The following PXDC1 variants were observed in gnomAD, a reference collection of about 807,000 sequenced individuals.
PXDC1 encodes PX domain containing 1, also known as PX domain-containing protein 1.
Under a neutral mutation model 24.4 loss-of-function variants are expected in PXDC1, and 13 were observed. That is an observed-to-expected ratio of 0.53 (90% CI 0.35 to 0.85). The LOEUF is 0.85. PXDC1 is among the 40% of genes least tolerant of loss of function. The probability of loss-of-function intolerance (pLI) is 0.01; values close to 1 mark genes in which losing one functional copy is unlikely to be tolerated. For synonymous variants in PXDC1, 162 were observed against 124.9 expected (o/e 1.30, Z -1.98); for missense variants, 344 against 309.3 (o/e 1.11, Z -0.84).
intron 1 of PXDC1, among the ~76,000 whole-genome samples, chr6:3,747,104 G>A (rs1310357041): frequency 4.6e-5 from 7 of 152,012 alleles, no homozygotes; most frequent in Middle Eastern, 3.2e-3. Flanking sequence ...CTAAAATGCC[G>A]CCTCCCAAGC....
At chr6:3,726,972 G>A (rs1021775306) in intron 4 of PXDC1, among the ~76,000 whole-genome samples, 1 of 152,226 alleles carries the variant, frequency 6.6e-6, no homozygotes, top group African/African-American at 2.4e-5. Flanking sequence ...GGAAACAGAG[G>A]CCAAGCTGTC....
In PXDC1 at chr6:3,737,916, G is replaced by A; in HGVS notation, c.348+141C>T. ...CACCTCCACTCCGTCCCTATCGCCT[G>A]GTACTACCAGGGAGGGAACAAAACG... On this transcript the variant is annotated intron_variant, in intron 2 of 4. Coordinates refer to ENST00000380283, the MANE Select transcript of PXDC1 (RefSeq NM_183373.4). This position sits in a 1 kb window ranked among gnomAD's most constrained non-coding sequence, Gnocchi z 5.5. 1.3e-6 allele frequency: 1 copy of A among 753,742 alleles called. No individual in the cohort carries two copies. Among genetic ancestry groups the A allele is most frequent in the Non-Finnish European group, 2.2e-6 (1 of 454,166 alleles). 46.7% of individuals were successfully genotyped at this position (753,742 alleles called of 1,614,324 possible). A position where few individuals can be genotyped will look rare whatever the true frequency, so the allele number is the denominator to read the frequency against.
intron 3 of PXDC1, among the ~76,000 whole-genome samples, chr6:3,730,788 C>A (rs1760178127): frequency 1.3e-5 from 2 of 152,238 alleles, no homozygotes; most frequent in Admixed American, 1.3e-4. Context: ...TGATAACTTG[C>A]CATGTGCCTT....
rs2094894654 is a variant in PXDC1 at position 3,725,592 on chromosome 6, A to G, written c.579-1856T>C. On this transcript the variant is annotated intron_variant, in intron 4 of 4. Coordinates refer to ENST00000380283, the MANE Select transcript of PXDC1 (RefSeq NM_183373.4). This position sits in a 1 kb window ranked among gnomAD's most constrained non-coding sequence, Gnocchi z 4.8. ...CTGTGGGCCCGGCGGCACTGGGCTCACAGGCTCGGGCCAGACAATCAGCCT... is the reference window on the plus strand; with the variant it reads ...CTGTGGGCCCGGCGGCACTGGGCTCGCAGGCTCGGGCCAGACAATCAGCCT... Among the ~76,000 whole-genome samples the G allele has an allele frequency of 6.6e-6, 1 of 152,200 alleles. No homozygotes were observed. The highest frequency in any genetic ancestry group is 1.5e-5 in the Non-Finnish European group (1 of 68,024).
intron 3 of PXDC1, among the ~76,000 whole-genome samples, chr6:3,734,318 CCT>C (rs1760268248): frequency 6.6e-6 from 1 of 152,144 alleles, no homozygotes; most frequent in Admixed American, 6.5e-5. Context: ...CTAATCTATC[CCT>C]CTCACTCGGG....
intron 1 of PXDC1, among the ~76,000 whole-genome samples, chr6:3,741,301 G>C (rs369654077): frequency 2.6e-5 from 4 of 152,360 alleles, no homozygotes; most frequent in African/African-American, 7.2e-5. Context: ...AAGCCAAACT[G>C]TGTTCCTTGG....
chr6:3,749,693 C>G (rs1760655404), intron 1 of PXDC1, among the ~76,000 whole-genome samples: 2 of 152,052 alleles, frequency 1.3e-5, no homozygotes, highest in Admixed American at 1.3e-4. Flanking sequence ...GGAGAACCTG[C>G]TCTTGTTAGA....
At chr6:3,745,316 C>T (rs976363975) in intron 1 of PXDC1, among the ~76,000 whole-genome samples, 4 of 152,250 alleles carry the variant, frequency 2.6e-5, no homozygotes, top group African/African-American at 9.6e-5. Flanking sequence ...ATCAAGGGCA[C>T]GTGGCAAGTG....
chr6:3,739,172 G>A, intron 1 of PXDC1: 1 of 1,077,986 alleles, frequency 9.3e-7, no homozygotes, highest in Non-Finnish European at 1.1e-6. Flanking sequence ...CTATAAGAGA[G>A]ATAAAAAAAG....
chr6:3,743,183 G>C (rs1027957473), intron 1 of PXDC1, among the ~76,000 whole-genome samples: 8 of 150,134 alleles, frequency 5.3e-5, no homozygotes, highest in African/African-American at 1.7e-4. Flanking sequence ...AGGGCTTCCT[G>C]CTGCTGCAAT....
rs760204584 is a variant in PXDC1 at position 3,737,535 on chromosome 6, A to C, written c.349-339T>G. 35 of 359,420 alleles carry C rather than the reference A, an allele frequency of 9.7e-5. No individual in the cohort carries two copies. Among genetic ancestry groups the C allele is most frequent in the Non-Finnish European group, 1.3e-4 (33 of 257,804 alleles). The allele number at this position is 359,420 out of a possible 1,614,324, so 22.3% of individuals were successfully genotyped here. A position where few individuals can be genotyped will look rare whatever the true frequency, so the allele number is the denominator to read the frequency against. On this transcript the variant is annotated intron_variant, in intron 2 of 4. Transcript: ENST00000380283. This position sits in a 1 kb window ranked among gnomAD's most constrained non-coding sequence, Gnocchi z 5.5. ...TCCCCACTGGCCAGAAAGAAAGGGA[A>C]GCTTCCAGGAGCTAAGGAGGTCTGC...
intron 1 of PXDC1, among the ~76,000 whole-genome samples, chr6:3,747,456 C>G (rs1477878481): frequency 6.6e-6 from 1 of 152,126 alleles, no homozygotes; most frequent in African/African-American, 2.4e-5. Context: ...GTGACCACGA[C>G]CTTCCTCTCT....
intron 3 of PXDC1, among the ~76,000 whole-genome samples, chr6:3,729,038 G>A (rs1760136399): frequency 2.0e-5 from 3 of 151,978 alleles, no homozygotes; most frequent in Admixed American, 2.0e-4. Context: ...TTCCCATTCA[G>A]GACACAGCTC....
At chr6:3,750,224 G>A (rs1447109158) in intron 1 of PXDC1, among the ~76,000 whole-genome samples, 7 of 152,252 alleles carry the variant, frequency 4.6e-5, no homozygotes, top group African/African-American at 1.4e-4. Flanking sequence ...CCAGATAGGA[G>A]GCTGGGGAGA....
intron 1 of PXDC1, among the ~76,000 whole-genome samples, chr6:3,749,832 C>T (rs181502928): frequency 2.6e-5 from 4 of 152,316 alleles, no homozygotes; most frequent in African/African-American, 7.2e-5. Flanking sequence ...CGCCTGACCA[C>T]AGTGAAGCTC....
intron 1 of PXDC1, among the ~76,000 whole-genome samples, chr6:3,742,648 C>A (rs756133954): frequency 6.6e-6 from 1 of 152,212 alleles, no homozygotes; most frequent in African/African-American, 2.4e-5. Flanking sequence ...GAGTTCACAG[C>A]CCCGGAAACT....
At position 3,725,690 on chromosome 6, in the gene PXDC1, C is replaced by T. The variant is rs900066275; in HGVS notation, c.578+1861G>A. Among the ~76,000 whole-genome samples, 3 of 152,170 alleles carry T rather than the reference C, an allele frequency of 2.0e-5. No homozygotes were observed. The highest frequency in any genetic ancestry group is 2.1e-4 in the South Asian group (1 of 4,826). On this transcript the variant is annotated intron_variant, in intron 4 of 4. Coordinates refer to ENST00000380283, the MANE Select transcript of PXDC1 (RefSeq NM_183373.4). This position sits in a 1 kb window ranked among gnomAD's most constrained non-coding sequence, Gnocchi z 4.8. ...CACAAAGGGTGTCTGTGCTCTTGGT[C>T]GCTGTCAACCCCCCACCCGACAGCC... is the stretch of plus-strand genomic sequence containing the variant.
intron 1 of PXDC1, 98 bp downstream of exon 1, chr6:3,751,178 G>C: frequency 2.1e-6 from 2 of 961,674 alleles, no homozygotes; most frequent in Non-Finnish European, 2.9e-6. Context: ...GGGCAGAAAG[G>C]AGAAGTCGCA....
Position 3,722,807 on chromosome 6 carries a change from GTCCTT to G in PXDC1, c.*807_*811del, listed in dbSNP as rs564556267. ...AGCCCCAGCTTCCCTCGTGATTCCC[GTCCTT>G]TCAAGTTCATTATGGCAGCTCTGTC... On this transcript the variant is annotated 3_prime_UTR_variant, in exon 5 of 5. Coordinates refer to ENST00000380283, the MANE Select transcript of PXDC1 (RefSeq NM_183373.4). 358 of 152,670 alleles carry G rather than the reference GTCCTT, an allele frequency of 2.3e-3. 1 individual carries two copies. Among genetic ancestry groups the G allele is most frequent in the Non-Finnish European group, 4.1e-3 (281 of 68,006 alleles). 9.5% of individuals were successfully genotyped at this position (152,670 alleles called of 1,614,324 possible).
Sources: allele counts gnomAD v4.1 joint callset (sites outside exome capture counted in the v4.1 genomes callset), GRCh38; gene constraint gnomAD v4.1.1; non-coding constraint Gnocchi (gnomAD v3.1); transcripts MANE v1.5; gene names NCBI Gene and HGNC (gene_info 2026-07-23, HGNC 2026-07-21).